NR6A1: variants seen among roughly 807,000 people sequenced by gnomAD.
NR6A1 encodes the protein retinoic acid receptor-related testis-associated receptor.
In NR6A1, 7 loss-of-function variants were observed where a neutral mutation model predicts 59.1. The ratio of observed to expected loss-of-function variants is 0.12; its 90% CI spans 0.07 to 0.22. The LOEUF is 0.22. Ranked by LOEUF, NR6A1 falls within the 10% of genes least tolerant of loss-of-function variation. NR6A1 has a pLI of 1.00. For missense variants in NR6A1, 468 were observed against 611.6 expected (o/e 0.77, Z 2.48); for synonymous variants, 243 against 236.1 (o/e 1.03, Z -0.27).
At chr9:124,548,933 TCA>T (rs1833688750) in intron 3 of NR6A1, among the ~76,000 whole-genome samples, 3 of 152,162 alleles carry the variant, frequency 2.0e-5, no homozygotes, top group Admixed American at 1.3e-4. Context: ...TGGCCCTCCA[TCA>T]CAGTCAATCC....
intron 2 of NR6A1, among the ~76,000 whole-genome samples, chr9:124,713,705 C>T (rs569222644): frequency 1.6e-4 from 25 of 152,238 alleles, no homozygotes; most frequent in African/African-American, 6.0e-4. Flanking sequence ...TGTCTCACAA[C>T]CATTAGGAGA....
intron 6 of NR6A1, among the ~76,000 whole-genome samples, chr9:124,536,572 G>A (rs886130724): frequency 6.6e-6 from 1 of 151,698 alleles, no homozygotes; most frequent in African/African-American, 2.4e-5. Flanking sequence ...GGCAGAGGCA[G>A]AAGAATCACT....
At chr9:124,714,465 T>C (rs1337002061) in intron 2 of NR6A1, among the ~76,000 whole-genome samples, 2 of 152,316 alleles carry the variant, frequency 1.3e-5, no homozygotes, top group East Asian at 3.9e-4. Context: ...GATACTGAAA[T>C]TGAACTCCTT....
Position 124,538,236 on chromosome 9 carries a change from G to T in NR6A1, c.680C>A (p.Pro227Gln). 1 of 1,614,084 alleles carries T rather than the reference G, an allele frequency of 6.2e-7. No individual in the cohort carries two copies. The highest frequency in any genetic ancestry group is 1.1e-5 in the South Asian group (1 of 91,078). ...GTGGCCAGAATAGCTAAAAAGGTGC[G>T]GTATATATTGGTAATGTGGAGGCAC... ...MSVPPHYQYI[P>Q]HLFSYSGHSP... The change falls in exon 6 of 10, where the codon CCG (proline) becomes CAG (glutamine). Residue 227 changes from proline (P) to glutamine (Q), a missense_variant. Coordinates refer to ENST00000487099, the MANE Select transcript of NR6A1 (RefSeq NM_033334.4).
chr9:124,534,200 G>A (rs1364923950), intron 7 of NR6A1, among the ~76,000 whole-genome samples: 1 of 151,324 alleles, frequency 6.6e-6, no homozygotes, highest in Non-Finnish European at 1.5e-5. Flanking sequence ...AGCCTCCCAA[G>A]TACCTGGGAT....
chr9:124,660,165 CAG>C (rs1837386375), intron 2 of NR6A1, among the ~76,000 whole-genome samples: 1 of 152,148 alleles, frequency 6.6e-6, no homozygotes, highest in South Asian at 2.1e-4. Context: ...GAGAAAATAA[CAG>C]TGTTCTAAGT....
intron 3 of NR6A1, 51 bp from the exon 4 acceptor site, chr9:124,543,908 G>C (rs748762604): frequency 6.0e-6 from 9 of 1,510,940 alleles, no homozygotes; most frequent in African/African-American, 1.4e-5. Context: ...ACTCATATAA[G>C]TCTTAGCACA....
intron 1 of NR6A1, among the ~76,000 whole-genome samples, chr9:124,736,144 G>A (rs1440497130): frequency 6.6e-6 from 1 of 152,150 alleles, no homozygotes; most frequent in African/African-American, 2.4e-5. Context: ...GGTACAATGG[G>A]AAGGTTAGAC....
intron 2 of NR6A1, among the ~76,000 whole-genome samples, chr9:124,668,366 A>G (rs1348862413): frequency 6.7e-6 from 1 of 149,402 alleles, no homozygotes; most frequent in Non-Finnish European, 1.5e-5. Flanking sequence ...CAGAAGAGGC[A>G]GCCATACTTA....
chr9:124,653,274 C>CA (rs1410194681), intron 2 of NR6A1, among the ~76,000 whole-genome samples: 2 of 143,428 alleles, frequency 1.4e-5, no homozygotes, highest in Non-Finnish European at 3.1e-5. Context: ...TTGCAAGTAA[C>CA]TTTTTTTTTT....
intron 2 of NR6A1, among the ~76,000 whole-genome samples, chr9:124,562,446 G>C (rs1463063138): frequency 6.6e-6 from 1 of 151,772 alleles, no homozygotes; most frequent in Admixed American, 6.6e-5. Flanking sequence ...TTGGATACAG[G>C]GTTCATTATG....
intron 2 of NR6A1, among the ~76,000 whole-genome samples, chr9:124,670,110 C>A (rs78386179): frequency 1.7e-4 from 25 of 151,508 alleles, no homozygotes; most frequent in African/African-American, 5.8e-4. Context: ...CCTGGCAGAG[C>A]GGTTCATGCC....
At chr9:124,563,256 CGAGAAAGGGTAA>C (rs1588669018) in intron 2 of NR6A1, among the ~76,000 whole-genome samples, 1 of 151,912 alleles carries the variant, frequency 6.6e-6, no homozygotes, top group Non-Finnish European at 1.5e-5. Flanking sequence ...TCATATGTAC[CGAGAAAGGGTAA>C]AATTCCGTGA....
At chr9:124,721,202 C>T (rs1193840530) in intron 2 of NR6A1, among the ~76,000 whole-genome samples, 1 of 152,206 alleles carries the variant, frequency 6.6e-6, no homozygotes, top group Non-Finnish European at 1.5e-5. Context: ...GACCCAACAA[C>T]CGCCTTTGAA....
rs113098930 is a variant in NR6A1 at position 124,595,279 on chromosome 9, G to A, written c.143-40709C>T. Among the ~76,000 whole-genome samples, 1,280 of 152,258 alleles carry A rather than the reference G, an allele frequency of 8.4e-3. 18 individuals are homozygous for A. The highest frequency in any genetic ancestry group is 0.029 in the African/African-American group (1,221 of 41,536). ...ATATCCCAAACTGTAAAGTATAGAA[G>A]CTCCCTACCAGAGGATGAGGTTGCC... On this transcript the variant is annotated intron_variant, in intron 2 of 9. Transcript: ENST00000487099.
chr9:124,540,199 A>G lies in NR6A1; in HGVS notation c.442-12T>C. ...TCTTCTTCCGATATCTTTGACAAGG[A>G]ATTGAGACATGTTAGATGGGTGCTC... On this transcript the variant is annotated splice_polypyrimidine_tract_variant and intron_variant, in intron 4 of 9. Transcript: ENST00000487099. 6.2e-7 allele frequency: 1 copy of G among 1,611,750 alleles called. No individual in the cohort carries two copies. The highest frequency in any genetic ancestry group is 8.5e-7 in the Non-Finnish European group (1 of 1,179,008).
chr9:124,552,167 A>G (rs1018615476), intron 3 of NR6A1, among the ~76,000 whole-genome samples: 4 of 152,210 alleles, frequency 2.6e-5, no homozygotes, highest in Non-Finnish European at 5.9e-5. Context: ...AGCAGTCAAG[A>G]AGGCAACCCA....
At chr9:124,644,164 A>G (rs1386942812) in intron 2 of NR6A1, among the ~76,000 whole-genome samples, 1 of 151,800 alleles carries the variant, frequency 6.6e-6, no homozygotes, top group African/African-American at 2.4e-5. Context: ...GGCCTCCCAA[A>G]GTGCTGGGAT....
chr9:124,671,362 A>G (rs1387577540), intron 2 of NR6A1, among the ~76,000 whole-genome samples: 1 of 152,130 alleles, frequency 6.6e-6, no homozygotes, highest in Non-Finnish European at 1.5e-5. Flanking sequence ...TATTTTCCTG[A>G]GCTGTAAAAT....
Sources: allele counts gnomAD v4.1 joint callset (sites outside exome capture counted in the v4.1 genomes callset), GRCh38; gene constraint gnomAD v4.1.1; transcripts MANE v1.5; gene names NCBI Gene and HGNC (gene_info 2026-07-23, HGNC 2026-07-21).